Variants in LRMDA observed in about 807,000 individuals in gnomAD.
LRMDA encodes leucine-rich melanocyte differentiation-associated protein.
LRMDA carries 18 observed loss-of-function variants against 29.8 expected under a neutral mutation model. The observed-to-expected ratio is 0.60, with a 90% CI of 0.42 to 0.90. The LOEUF is 0.90. LRMDA is among the 40% of genes least tolerant of loss of function. The pLI is 0.00. For missense variants in LRMDA, 273 were observed against 273.9 expected, an observed-to-expected ratio of 1.00 and a Z score of 0.02; for synonymous variants, 125 against 109.4, an observed-to-expected ratio of 1.14 and a Z score of -0.89.
intron 5 of LRMDA, among the ~76,000 whole-genome samples, chr10:76,076,339 C>T (rs897277328): frequency 1.6e-4 from 19 of 121,028 alleles, no homozygotes; most frequent in African/African-American, 4.9e-4. Flanking sequence ...GAGCGAGACT[C>T]CATCTCAAAA....
At chr10:76,236,181 A>G (rs1229629806) in intron 5 of LRMDA, among the ~76,000 whole-genome samples, 2 of 152,196 alleles carry the variant, frequency 1.3e-5, no homozygotes, top group Non-Finnish European at 2.9e-5. Context: ...GCCTGATGCC[A>G]TCCTCACAGG....
intron 2 of LRMDA, among the ~76,000 whole-genome samples, chr10:75,678,704 A>G (rs1320195217): frequency 6.6e-6 from 1 of 152,236 alleles, no homozygotes. Context: ...TTTGTAAAGC[A>G]TTCATAACAT....
At chr10:75,875,502 T>C (rs931049895) in intron 2 of LRMDA, among the ~76,000 whole-genome samples, 2 of 152,134 alleles carry the variant, frequency 1.3e-5, no homozygotes, top group African/African-American at 2.4e-5. Context: ...GGCATGATCT[T>C]GGCTCACTGC....
chr10:75,901,100 A>G (rs1845663372), intron 2 of LRMDA, among the ~76,000 whole-genome samples: 1 of 152,170 alleles, frequency 6.6e-6, no homozygotes, highest in East Asian at 1.9e-4. Context: ...GGAAAGGGAG[A>G]TGCAAGAGGA....
intron 2 of LRMDA, among the ~76,000 whole-genome samples, chr10:75,808,599 T>G (rs557251505): frequency 6.6e-6 from 1 of 152,214 alleles, no homozygotes; most frequent in African/African-American, 2.4e-5. Context: ...AACTTCCGAC[T>G]CCTTGGTTCA....
At chr10:76,341,330 T>G (rs1349175816) in intron 6 of LRMDA, among the ~76,000 whole-genome samples, 5 of 152,186 alleles carry the variant, frequency 3.3e-5, no homozygotes, top group Admixed American at 2.0e-4. Context: ...AAAAATATAC[T>G]AGTCTTAGGG....
chr10:75,436,852 G>A (rs1214121619), intron 1 of LRMDA, among the ~76,000 whole-genome samples: 1 of 152,138 alleles, frequency 6.6e-6, no homozygotes, highest in African/African-American at 2.4e-5. Context: ...GTCTCTCTTT[G>A]GCATATGATT....
intron 5 of LRMDA, among the ~76,000 whole-genome samples, chr10:76,132,072 T>G (rs1850003525): frequency 6.6e-6 from 1 of 152,194 alleles, no homozygotes; most frequent in Admixed American, 6.5e-5. Context: ...TGCCTTTCAC[T>G]TAGTAAGTCT....
At chr10:76,065,380 T>C (rs1446727934) in intron 5 of LRMDA, among the ~76,000 whole-genome samples, 1 of 152,178 alleles carries the variant, frequency 6.6e-6, no homozygotes, top group Non-Finnish European at 1.5e-5. Context: ...GGTAGCAGCC[T>C]CTTAGGGGCA....
intron 5 of LRMDA, among the ~76,000 whole-genome samples, chr10:76,160,742 G>A (rs1012580141): frequency 6.6e-6 from 1 of 152,118 alleles, no homozygotes; most frequent in Non-Finnish European, 1.5e-5. Context: ...ACCATGATAG[G>A]TTGGACTCTC....
At chr10:75,744,963 A>G (rs1249450395) in intron 2 of LRMDA, among the ~76,000 whole-genome samples, 1 of 152,136 alleles carries the variant, frequency 6.6e-6, no homozygotes, top group Non-Finnish European at 1.5e-5. Flanking sequence ...ATGCACAGGC[A>G]CAGGCAAGTC....
chr10:75,957,661 G>A (rs1013218684), intron 2 of LRMDA, among the ~76,000 whole-genome samples: 6 of 152,110 alleles, frequency 3.9e-5, no homozygotes, highest in African/African-American at 4.8e-5. Context: ...AAATAGCCAC[G>A]GAGTGATGGG....
At chr10:75,997,467 A>G (rs1268930191) in intron 2 of LRMDA, among the ~76,000 whole-genome samples, 1 of 141,876 alleles carries the variant, frequency 7.0e-6, no homozygotes, top group Non-Finnish European at 1.5e-5. Context: ...ACATACATCT[A>G]TTTTTTTTTT....
intron 2 of LRMDA, among the ~76,000 whole-genome samples, chr10:75,566,781 C>G (rs1415278590): frequency 6.6e-6 from 1 of 152,174 alleles, no homozygotes; most frequent in Non-Finnish European, 1.5e-5. Context: ...TCCAGTTCCA[C>G]TGTTTCAGTT....
At chr10:76,280,552 C>T (rs1840189862) in intron 5 of LRMDA, among the ~76,000 whole-genome samples, 1 of 151,874 alleles carries the variant, frequency 6.6e-6, no homozygotes, top group Non-Finnish European at 1.5e-5. Context: ...TTTATTCAGC[C>T]CCTGTTTGTT....
chr10:75,671,585 A>G (rs7910043), intron 2 of LRMDA, among the ~76,000 whole-genome samples: 2,380 of 152,258 alleles, frequency 0.016, 62 homozygotes, highest in African/African-American at 0.054. Flanking sequence ...GAGTTGCACA[A>G]TGAGAACATA....
At chr10:75,548,366 G>C (rs1427558049) in intron 2 of LRMDA, among the ~76,000 whole-genome samples, 1 of 152,178 alleles carries the variant, frequency 6.6e-6, no homozygotes, top group Admixed American at 6.5e-5. Flanking sequence ...TTCTATGCTA[G>C]AAGGCCACTC....
chr10:75,510,606 A>T (rs1845214699), intron 2 of LRMDA, among the ~76,000 whole-genome samples: 1 of 152,218 alleles, frequency 6.6e-6, no homozygotes, highest in African/African-American at 2.4e-5. Context: ...ATTTGGATAG[A>T]TGAAATCTAC....
chr10:76,089,019 CGTT>C (rs371166852), intron 5 of LRMDA, among the ~76,000 whole-genome samples: 108 of 152,234 alleles, frequency 7.1e-4, no homozygotes, highest in Admixed American at 1.3e-3. Flanking sequence ...CTATGGAAGT[CGTT>C]GAGCGAGACA....
Sources: allele counts gnomAD v4.1 joint callset (sites outside exome capture counted in the v4.1 genomes callset), GRCh38; gene constraint gnomAD v4.1.1; transcripts MANE v1.5; gene names NCBI Gene and HGNC (gene_info 2026-07-23, HGNC 2026-07-21).